The following NME9 variants were observed in gnomAD, a reference collection of about 807,000 sequenced individuals.
The protein encoded by NME9 is thioredoxin domain-containing protein 6.
A neutral mutation model predicts 44.4 loss-of-function variants in NME9; 48 were observed. The ratio of observed to expected loss-of-function variants is 1.08; its 90% CI spans 0.86 to 1.37. The LOEUF is 1.37. Ranked by LOEUF, NME9 falls within the 40% of genes most tolerant of loss-of-function variation. The probability of loss-of-function intolerance (pLI) is 0.00; values close to 1 mark genes in which losing one functional copy is unlikely to be tolerated. For missense variants in NME9, 325 were observed against 405.2 expected, an observed-to-expected ratio of 0.80 and a Z score of 1.70; for synonymous variants, 139 against 147.1, an observed-to-expected ratio of 0.94 and a Z score of 0.40.
chr3:138,274,805 A>C (rs1190114896), intron 8 of NME9, among the ~76,000 whole-genome samples: 1 of 152,218 alleles, frequency 6.6e-6, no homozygotes, highest in Admixed American at 6.5e-5. Flanking sequence ...CTACAGGAGC[A>C]GTCACCTTTC....
chr3:138,302,076 A>G (rs900336817), intron 10 of NME9, among the ~76,000 whole-genome samples: 4 of 152,138 alleles, frequency 2.6e-5, no homozygotes, highest in Admixed American at 6.5e-5. Flanking sequence ...CAGCTGGGGA[A>G]TAGTGGAGCC....
exon 9 of NME9, chr3:138,262,352 TA>T: frequency 1.5e-6 from 1 of 675,786 alleles, no homozygotes; most frequent in South Asian, 2.2e-5. Context: ...TTTTGGAAAC[TA>T]AAACACCAGA....
chr3:138,294,739 C>T (rs2051307619), intron 8 of NME9, among the ~76,000 whole-genome samples: 1 of 152,126 alleles, frequency 6.6e-6, no homozygotes, highest in Admixed American at 6.5e-5. Flanking sequence ...CCCACGATTA[C>T]AGCCTCTTTA....
At chr3:138,274,059 T>G (rs1319446311) in intron 8 of NME9, among the ~76,000 whole-genome samples, 1 of 152,082 alleles carries the variant, frequency 6.6e-6, no homozygotes, top group Non-Finnish European at 1.5e-5. Context: ...CTCAGGTGAT[T>G]GGCCCACCTC....
chr3:138,286,202 C>T (rs1013722951), intron 8 of NME9, among the ~76,000 whole-genome samples: 2 of 152,178 alleles, frequency 1.3e-5, no homozygotes, highest in African/African-American at 4.8e-5. Flanking sequence ...CTCGGCCTCC[C>T]AAAGTGCTGG....
rs752746616 is a variant in NME9 at position 138,329,815 on chromosome 3, A to G, written c.-480T>C. On this transcript the variant is annotated 5_prime_UTR_variant, in exon 1 of 11. Transcript: ENST00000333911. Reference sequence around the variant, plus strand: ...ATCTTCGACGCGCCCGGAGTCACCAACCGAGTCTGCCGCGACCTAGCCGCG... The same window carrying G: ...ATCTTCGACGCGCCCGGAGTCACCAGCCGAGTCTGCCGCGACCTAGCCGCG... 1.9e-5 allele frequency: 19 copies of G among 986,416 alleles called. No homozygotes were observed. The highest frequency in any genetic ancestry group is 2.3e-5 in the Non-Finnish European group (19 of 830,710). The allele number at this position is 986,416 out of a possible 1,614,324, so 61.1% of individuals were successfully genotyped here. A position where few individuals can be genotyped will look rare whatever the true frequency, so the allele number is the denominator to read the frequency against.
intron 8 of NME9, among the ~76,000 whole-genome samples, chr3:138,274,833 C>G (rs1322248788): frequency 6.6e-6 from 1 of 152,156 alleles, no homozygotes; most frequent in Non-Finnish European, 1.5e-5. Context: ...TGGAATGAAT[C>G]CTTTTTCCAG....
At chr3:138,278,653 C>T (rs1041655651) in intron 8 of NME9, among the ~76,000 whole-genome samples, 5 of 152,056 alleles carry the variant, frequency 3.3e-5, no homozygotes, top group Admixed American at 6.6e-5. Flanking sequence ...TTTGGGAGGA[C>T]GTGACATCTT....
At chr3:138,314,458 A>T (rs1389785551) in intron 5 of NME9, 51 bp from the exon 6 acceptor site, 1 of 1,095,578 alleles carries the variant, frequency 9.1e-7, no homozygotes, top group Non-Finnish European at 1.4e-6. Context: ...TAACATTACC[A>T]CTAAGACCTT....
At chr3:138,291,693 G>C (rs2050969279) in intron 8 of NME9, among the ~76,000 whole-genome samples, 1 of 152,224 alleles carries the variant, frequency 6.6e-6, no homozygotes, top group African/African-American at 2.4e-5. Context: ...AGATCTCTCT[G>C]AGGATGACAT....
chr3:138,317,613 A>G (rs2053176548), intron 4 of NME9, among the ~76,000 whole-genome samples: 1 of 152,208 alleles, frequency 6.6e-6, no homozygotes, highest in African/African-American at 2.4e-5. Flanking sequence ...TTCTATAAAC[A>G]TATCTTCACA....
chr3:138,275,229 T>C (rs1396720222), intron 8 of NME9, among the ~76,000 whole-genome samples: 3 of 152,208 alleles, frequency 2.0e-5, no homozygotes, highest in Non-Finnish European at 4.4e-5. Context: ...TTTTTTGACA[T>C]AGGTTTTGGC....
intron 8 of NME9, among the ~76,000 whole-genome samples, chr3:138,275,256 C>T (rs1203008753): frequency 3.3e-5 from 5 of 152,132 alleles, no homozygotes; most frequent in African/African-American, 4.8e-5. Flanking sequence ...GTTATGTTCT[C>T]TTTCAAAATT....
At chr3:138,284,373 C>T (rs2050208154) in intron 8 of NME9, 1 of 1,359,690 alleles carries the variant, frequency 7.4e-7, no homozygotes, top group Non-Finnish European at 1.0e-6. Context: ...GCTCTTGAGA[C>T]AGCTTGACTC....
chr3:138,283,090 CTATTGGACTATACAATT>C (rs2050097420), intron 8 of NME9, among the ~76,000 whole-genome samples: 1 of 152,330 alleles, frequency 6.6e-6, no homozygotes, highest in Admixed American at 6.5e-5. Flanking sequence ...GTTTGCTTAG[CTATTGGACTATACAATT>C]TATGTTTCAT....
rs1359919220 is a variant in NME9, at chr3:138,262,415, T to C, written c.*125A>G. The C allele has an allele frequency of 1.8e-5, 20 of 1,116,786 alleles. 1 individual carries two copies. In the Admixed American group the frequency reaches 3.1e-4, roughly 17 times the overall value. The allele number at this position is 1,116,786 out of a possible 1,614,324, so 69.2% of individuals were successfully genotyped here. A position where few individuals can be genotyped will look rare whatever the true frequency, so the allele number is the denominator to read the frequency against. On this transcript the variant is annotated 3_prime_UTR_variant, in exon 9 of 9. Transcript: ENST00000317876. ...CTAAAATGTGGTTCCCTGTTCTTAATAGATGATATTTTCCCTGATCATTGT... is the reference window on the plus strand; with the variant it reads ...CTAAAATGTGGTTCCCTGTTCTTAACAGATGATATTTTCCCTGATCATTGT...
At chr3:138,315,775 TCTG>T in intron 4 of NME9, 132 bp from the exon 5 acceptor site, 2 of 653,770 alleles carry the variant, frequency 3.1e-6, no homozygotes, top group Non-Finnish European at 5.3e-6. Flanking sequence ...CGTGCTCACT[TCTG>T]CTGCCCTCCC....
At chr3:138,290,709 T>G in intron 8 of NME9, 3 of 1,023,572 alleles carry the variant, frequency 2.9e-6, no homozygotes, top group Non-Finnish European at 4.4e-6. Flanking sequence ...TTTGAATTGC[T>G]TGGTAATTAA....
chr3:138,289,137 A>G, intron 8 of NME9: 1 of 1,602,796 alleles, frequency 6.2e-7, no homozygotes, highest in African/African-American at 1.3e-5. Context: ...GATTGGTGAG[A>G]TTTGTTTTGA....
Sources: gnomAD v4.1 joint callset for allele counts (sites outside exome capture counted in the v4.1 genomes callset) on GRCh38, gnomAD v4.1.1 for gene constraint, MANE v1.5 for transcripts, NCBI Gene and HGNC (gene_info 2026-07-23, HGNC 2026-07-21) for gene names.